The following BBS4 variants were observed in gnomAD, a reference collection of about 807,000 sequenced individuals.
The protein encoded by BBS4 is Bardet-Biedl syndrome 4.
Under a neutral mutation model 71.4 loss-of-function variants are expected in BBS4, and 58 were observed. That is an observed-to-expected ratio of 0.81 (90% CI 0.66 to 1.01). The LOEUF (loss-of-function observed/expected upper bound fraction) is 1.01. Ranked by LOEUF, BBS4 falls within the 50% of genes least tolerant of loss-of-function variation. BBS4 has a pLI of 0.00. For synonymous variants in BBS4, 228 were observed against 216.8 expected, an observed-to-expected ratio of 1.05 and a Z score of -0.46; for missense variants, 660 against 607.9, an observed-to-expected ratio of 1.09 and a Z score of -0.90.
At position 72,701,821 on chromosome 15, in the gene BBS4, A is replaced by G. The variant is rs112679962; in HGVS notation, c.76+6593A>G. 2.6e-3 allele frequency among the ~76,000 whole-genome samples: 389 copies of G among 152,258 alleles called. 3 individuals are homozygous for G. Among genetic ancestry groups the G allele is most frequent in the African/African-American group, 8.9e-3 (368 of 41,544 alleles). The stretch of plus-strand genomic sequence containing the variant: ...ATGAAAAACACTGGTTTTAAAAAAA[A>G]TAATAGAAAAGCTTTAAAATCATTA... On this transcript the variant is annotated intron_variant, in intron 2 of 15. Transcript: ENST00000268057.
At chr15:72,733,420 G>A (rs2065864512) in intron 12 of BBS4, among the ~76,000 whole-genome samples, 1 of 152,046 alleles carries the variant, frequency 6.6e-6, no homozygotes, top group Non-Finnish European at 1.5e-5. Flanking sequence ...GTACCCAATA[G>A]TTATTTTTTT....
chr15:72,699,806 A>G (rs186932708), intron 2 of BBS4, among the ~76,000 whole-genome samples: 33 of 152,308 alleles, frequency 2.2e-4, no homozygotes, highest in Admixed American at 1.9e-3. Flanking sequence ...CCGTGTTGTT[A>G]TATGTATCAG....
chr15:72,737,052 T>G, intron 15 of BBS4, 89 bp downstream of exon 15: 2 of 1,452,928 alleles, frequency 1.4e-6, no homozygotes, highest in Non-Finnish European at 1.9e-6. Context: ...TGAGGTTCTC[T>G]TCAGACTCAT....
intron 3 of BBS4, among the ~76,000 whole-genome samples, chr15:72,711,444 T>C (rs534632336): frequency 6.6e-6 from 1 of 152,314 alleles, no homozygotes; most frequent in Non-Finnish European, 1.5e-5. Context: ...CCACCGCGCC[T>C]GGCCACCAGT....
intron 10 of BBS4, among the ~76,000 whole-genome samples, chr15:72,730,609 T>C (rs2151045788): frequency 6.6e-6 from 1 of 152,306 alleles, no homozygotes; most frequent in East Asian, 1.9e-4. Context: ...AATAATTATG[T>C]TGAAATGACT....
chr15:72,710,340 A>G (rs1323959965), intron 3 of BBS4, among the ~76,000 whole-genome samples: 1 of 151,714 alleles, frequency 6.6e-6, no homozygotes, highest in Non-Finnish European at 1.5e-5. Context: ...AGATGGGACT[A>G]CAGATGAGTG....
rs188728518 is a variant in BBS4 at position 72,696,729 on chromosome 15, G to T, written c.76+1501G>T. ...TTTTCCCCAGTAGCTGGGTCTACAG[G>T]TGCATGCCGCCATGCCTGGCTAATT... On this transcript the variant is annotated intron_variant, in intron 2 of 15. Transcript: ENST00000268057. 1.2e-3 allele frequency among the ~76,000 whole-genome samples: 189 copies of T among 152,144 alleles called. 3 individuals carry two copies. The East Asian group carries it at 0.021, about 17-fold the overall frequency.
rs776826339 is a variant in BBS4 at position 72,731,464 on chromosome 15, G to A, written c.864+7G>A. On this transcript the variant is annotated splice_region_variant and intron_variant, in intron 11 of 15. Transcript: ENST00000268057. ...CAAGAAGAAATATGTGGCGGTGAGT[G>A]TCCCCTCATGTTCTTTGTTTGTATT... 1.9e-6 allele frequency: 3 copies of A among 1,614,172 alleles called. No individual in the cohort carries two copies. In the South Asian group the frequency reaches 3.3e-5, roughly 18 times the overall value.
chr15:72,688,777 C>G (rs2064927065), intron 1 of BBS4, among the ~76,000 whole-genome samples: 1 of 152,178 alleles, frequency 6.6e-6, no homozygotes, highest in Admixed American at 6.5e-5. Context: ...AAGTGTTAAA[C>G]ATGAGCGTGT....
intron 1 of BBS4, among the ~76,000 whole-genome samples, chr15:72,694,954 A>G (rs771125252): frequency 3.9e-5 from 6 of 152,200 alleles, no homozygotes; most frequent in Non-Finnish European, 8.8e-5. Flanking sequence ...CACATTGTAA[A>G]TATTATAAAT....
Position 72,735,890 on chromosome 15 carries a change from C to T in BBS4, c.1172C>T (p.Ala391Val), listed in dbSNP as rs1419955498. 10 of 1,613,976 alleles carry T rather than the reference C, an allele frequency of 6.2e-6. No individual in the cohort carries two copies. The Admixed American group carries it at 1.0e-4, about 16-fold the overall frequency. The change falls in exon 14 of 16, where the codon GCC (alanine) becomes GTC (valine). Residue 391 changes from alanine to valine, a missense_variant. Coordinates refer to ENST00000268057, the MANE Select transcript of BBS4 (RefSeq NM_033028.5). ...LLYNQGEKKNALAQYQEMEKK... is the reference protein window; with the variant it reads ...LLYNQGEKKNVLAQYQEMEKK... ...TACAACCAGGGCGAGAAGAAGAACG[C>T]CCTGGCCCAATATCAGGAGATGGAG...
At chr15:72,698,453 T>C (rs1252471997) in intron 2 of BBS4, among the ~76,000 whole-genome samples, 1 of 152,184 alleles carries the variant, frequency 6.6e-6, no homozygotes, top group African/African-American at 2.4e-5. Context: ...TGAATTTGAC[T>C]ATTCTAGGTT....
intron 13 of BBS4, chr15:72,735,495 T>G (rs1276410311): frequency 9.7e-6 from 5 of 517,184 alleles, no homozygotes; most frequent in African/African-American, 1.9e-5. Flanking sequence ...CTGGGCTGTT[T>G]AATTCAAGAT....
At chr15:72,703,254 C>T (rs16957257) in intron 2 of BBS4, among the ~76,000 whole-genome samples, 23,084 of 152,024 alleles carry the variant, frequency 0.15, 2,227 homozygotes, top group African/African-American at 0.26. Context: ...ACCTTCAGGC[C>T]TCAGAGTCGT....
At position 72,731,632 on chromosome 15, in the gene BBS4, T is replaced by A. The variant is rs778654088; in HGVS notation, c.942T>A (p.His314Gln). 1 of 1,614,158 alleles carries A rather than the reference T, an allele frequency of 6.2e-7. No individual in the cohort carries two copies. Residue 314 changes from histidine to glutamine, a missense_variant, in exon 12 of 16, where the codon CAT (histidine) becomes CAA (glutamine). Transcript: ENST00000268057. Reference sequence around the variant, plus strand: ...TTCTGTATAATTTGGGCCTTGTCCATTTGACCATGCAGCAGTATGCATCAG... The same window carrying A: ...TTCTGTATAATTTGGGCCTTGTCCAATTGACCATGCAGCAGTATGCATCAG... ...WKILYNLGLV[H>Q]LTMQQYASAF... is the part of the protein sequence containing the mutation.
At chr15:72,706,416 G>C (rs528972292) in intron 2 of BBS4, among the ~76,000 whole-genome samples, 1 of 152,136 alleles carries the variant, frequency 6.6e-6, no homozygotes, top group Non-Finnish European at 1.5e-5. Context: ...GATTACAGGC[G>C]TGAGTCACCA....
At chr15:72,701,849 A>G (rs950408451) in intron 2 of BBS4, among the ~76,000 whole-genome samples, 2 of 152,002 alleles carry the variant, frequency 1.3e-5, no homozygotes, top group Admixed American at 6.6e-5. Context: ...AATCATTATT[A>G]TTTTTTTGAG....
intron 2 of BBS4, among the ~76,000 whole-genome samples, chr15:72,697,539 G>C (rs1157191111): frequency 6.6e-6 from 1 of 152,214 alleles, no homozygotes; most frequent in Non-Finnish European, 1.5e-5. Context: ...GATGTTGCCA[G>C]TTATTCCTTC....
intron 2 of BBS4, among the ~76,000 whole-genome samples, chr15:72,697,678 C>T (rs1411905784): frequency 1.3e-5 from 2 of 152,164 alleles, no homozygotes; most frequent in African/African-American, 4.8e-5. Context: ...AGCTGAGAGA[C>T]GTTATTTGAA....
Sources: gnomAD v4.1 joint callset for allele counts (sites outside exome capture counted in the v4.1 genomes callset) on GRCh38, gnomAD v4.1.1 for gene constraint, MANE v1.5 for transcripts, NCBI Gene and HGNC (gene_info 2026-07-23, HGNC 2026-07-21) for gene names.